The following LEPR variants were observed in gnomAD, a reference collection of about 807,000 sequenced individuals.
LEPR encodes the protein OB receptor.
Under a neutral mutation model 114.7 loss-of-function variants are expected in LEPR, and 56 were observed. The observed-to-expected ratio is 0.49, with a 90% CI of 0.39 to 0.61. LEPR has a LOEUF of 0.61. Among genes scored for constraint, LEPR ranks in the 20% least tolerant of loss-of-function variants. LEPR has a pLI of 0.00. For missense variants in LEPR, 1,202 were observed against 1,352.9 expected (o/e 0.89, Z 1.75); for synonymous variants, 443 against 461.4 (o/e 0.96, Z 0.51).
intron 2 of LEPR, among the ~76,000 whole-genome samples, chr1:65,429,690 T>A (rs1570431169): frequency 6.6e-6 from 1 of 152,234 alleles, no homozygotes; most frequent in East Asian, 1.9e-4. Context: ...TTTAAAATTA[T>A]CACTACTTAT....
intron 1 of LEPR, among the ~76,000 whole-genome samples, chr1:65,422,091 A>G (rs879466078): frequency 1.3e-5 from 2 of 152,194 alleles, no homozygotes; most frequent in Non-Finnish European, 2.9e-5. Flanking sequence ...TTTGTCCTCC[A>G]AAAAGATGTG....
At chr1:65,590,632 C>T (rs1655633309) in intron 5 of LEPR, among the ~76,000 whole-genome samples, 1 of 151,982 alleles carries the variant, frequency 6.6e-6, no homozygotes, top group African/African-American at 2.4e-5. Context: ...CCTGAGGCCT[C>T]CTCAGCCCTG....
At chr1:65,598,844 T>C (rs1435593627) in intron 8 of LEPR, 40 bp downstream of exon 8, 32 of 1,612,272 alleles carry the variant, frequency 2.0e-5, no homozygotes, top group Non-Finnish European at 2.6e-5. Flanking sequence ...GAGGGAAATA[T>C]ATTTCCTGAA....
At chr1:65,514,769 A>G (rs1435053313) in intron 2 of LEPR, among the ~76,000 whole-genome samples, 1 of 152,170 alleles carries the variant, frequency 6.6e-6, no homozygotes, top group African/African-American at 2.4e-5. Context: ...TGTTCTTTTT[A>G]GTTATACAAA....
intron 19 of LEPR, among the ~76,000 whole-genome samples, chr1:65,635,798 T>C (rs1167699986): frequency 5.9e-5 from 9 of 152,194 alleles, no homozygotes; most frequent in African/African-American, 2.2e-4. Flanking sequence ...GAAGGAAATA[T>C]CTTCAGAAGA....
intron 2 of LEPR, among the ~76,000 whole-genome samples, chr1:65,464,576 A>T (rs570762268): frequency 6.6e-6 from 1 of 152,160 alleles, no homozygotes; most frequent in Non-Finnish European, 1.5e-5. Context: ...TTTTCTATTG[A>T]TTGAAATAGT....
intron 2 of LEPR, among the ~76,000 whole-genome samples, chr1:65,445,068 G>T (rs1646696837): frequency 6.6e-6 from 1 of 152,168 alleles, no homozygotes; most frequent in African/African-American, 2.4e-5. Context: ...TCCTAATTGG[G>T]ACACTTTTGA....
chr1:65,440,494 A>T (rs1006623227), intron 2 of LEPR, among the ~76,000 whole-genome samples: 1 of 152,138 alleles, frequency 6.6e-6, no homozygotes, highest in Non-Finnish European at 1.5e-5. Context: ...TGTGGGCGTG[A>T]ACGGGTGACG....
chr1:65,423,218 G>C (rs904803191), intron 1 of LEPR, among the ~76,000 whole-genome samples: 1 of 152,162 alleles, frequency 6.6e-6, no homozygotes, highest in Non-Finnish European at 1.5e-5. Context: ...CTCTGGGCTG[G>C]AGCATCAGTT....
intron 2 of LEPR, among the ~76,000 whole-genome samples, chr1:65,465,597 G>C (rs151182652): frequency 5.9e-4 from 89 of 152,126 alleles, no homozygotes; most frequent in African/African-American, 2.1e-3. Context: ...CTTCTTTCTC[G>C]TTGATCTGTC....
At chr1:65,498,661 C>T (rs1648290237) in intron 2 of LEPR, among the ~76,000 whole-genome samples, 1 of 152,026 alleles carries the variant, frequency 6.6e-6, no homozygotes, top group Admixed American at 6.6e-5. Context: ...GGTCCTTGTT[C>T]CTTTTCCCTC....
chr1:65,476,765 T>C (rs558568609), intron 2 of LEPR, among the ~76,000 whole-genome samples: 2 of 152,270 alleles, frequency 1.3e-5, no homozygotes, highest in Admixed American at 1.3e-4. Context: ...AGTAACCCAA[T>C]TGAGGGGAAT....
chr1:65,428,760 A>G (rs1481419476), intron 2 of LEPR, among the ~76,000 whole-genome samples: 1 of 152,212 alleles, frequency 6.6e-6, no homozygotes, highest in Non-Finnish European at 1.5e-5. Context: ...AGCATAAGAA[A>G]TGTCTGATGG....
intron 2 of LEPR, among the ~76,000 whole-genome samples, chr1:65,521,550 C>A (rs1649638205): frequency 6.6e-6 from 1 of 152,160 alleles, no homozygotes; most frequent in Non-Finnish European, 1.5e-5. Context: ...ATTCCATTAA[C>A]CAAAGCTGCC....
chr1:65,615,167 C>T (rs1657451208), intron 14 of LEPR, among the ~76,000 whole-genome samples: 1 of 152,060 alleles, frequency 6.6e-6, no homozygotes, highest in African/African-American at 2.4e-5. Context: ...TTTTTCTCTG[C>T]CATTTCTAAC....
chr1:65,572,326 A>G lies in LEPR; in HGVS notation c.371A>G (p.Asp124Gly), dbSNP rs35573508. ...TVNSLVFQQI[D>G]ANWNIQCWLK... is the part of the protein sequence containing the mutation. ...TTTTTTTTTTTTTTTTTAAATTCAG[A>G]TGCAAACTGGAACATACAGTGCTGG... is the stretch of plus-strand genomic sequence containing the variant. The change falls in exon 5 of 20, where the codon GAT (aspartate) becomes GGT (glycine). Residue 124 changes from aspartate to glycine, a missense_variant and splice_region_variant. By Grantham distance (94) the Asp-to-Gly change is moderately conservative (BLOSUM62 -1). Coordinates refer to ENST00000349533, the MANE Select transcript of LEPR (RefSeq NM_002303.6). 447 of 1,005,084 alleles carry G rather than the reference A, an allele frequency of 4.4e-4. 4 individuals carry two copies. The African/African-American group carries it at 7.5e-3, about 17-fold the overall frequency. 62.3% of individuals were successfully genotyped at this position (1,005,084 alleles called of 1,614,324 possible). A position where few individuals can be genotyped will look rare whatever the true frequency, so the allele number is the denominator to read the frequency against.
chr1:65,553,418 G>A (rs1652567044), intron 2 of LEPR, among the ~76,000 whole-genome samples: 1 of 151,746 alleles, frequency 6.6e-6, no homozygotes, highest in African/African-American at 2.4e-5. Context: ...TCATTTCTTT[G>A]CATTCTTTTT....
chr1:65,426,062 A>T (rs1218238932), intron 2 of LEPR, among the ~76,000 whole-genome samples: 1 of 141,858 alleles, frequency 7.0e-6, no homozygotes, highest in Non-Finnish European at 1.5e-5. Context: ...TCAGAGGTAG[A>T]AATGGTACAA....
intron 2 of LEPR, among the ~76,000 whole-genome samples, chr1:65,530,330 A>G (rs1312616472): frequency 6.6e-6 from 1 of 152,208 alleles, no homozygotes; most frequent in Non-Finnish European, 1.5e-5. Context: ...GTTACAGGAA[A>G]GGGGTCCCAA....
Sources: gnomAD v4.1 joint callset for allele counts (sites outside exome capture counted in the v4.1 genomes callset) on GRCh38, gnomAD v4.1.1 for gene constraint, MANE v1.5 for transcripts, NCBI Gene and HGNC (gene_info 2026-07-23, HGNC 2026-07-21) for gene names.